The following ZC3H13 variants were observed in gnomAD, a reference collection of about 807,000 sequenced individuals.
The protein encoded by ZC3H13 is zinc finger CCCH domain-containing protein 13.
ZC3H13 carries 64 observed loss-of-function variants against 204.1 expected under a neutral mutation model. That is an observed-to-expected ratio of 0.31 (90% CI 0.26 to 0.39). ZC3H13 has a LOEUF of 0.39. ZC3H13 is among the 10% of genes least tolerant of loss of function. ZC3H13 has a pLI of 1.00. For synonymous variants in ZC3H13, 667 were observed against 693.7 expected (o/e 0.96, Z 0.60); for missense variants, 1,833 against 2,082.7 (o/e 0.88, Z 2.33).
rs1163975626 is a variant in ZC3H13 at position 46,052,697 on chromosome 13, C to G, written c.-303G>C. 3 of 398,516 alleles carry G rather than the reference C, an allele frequency of 7.5e-6. No homozygotes were observed. The highest frequency in any genetic ancestry group is 1.3e-5 in the Non-Finnish European group (3 of 226,158). The allele number at this position is 398,516 out of a possible 1,614,324, so 24.7% of individuals were successfully genotyped here. ...TTAAGAAAAGGCAACAAAAACACTA[C>G]CAGGCCGCTAGGAGGACCGCCTCAA... On this transcript the variant is annotated 5_prime_UTR_variant, in exon 1 of 19. Transcript: ENST00000679008.
intron 3 of ZC3H13, 144 bp from the exon 4 acceptor site, chr13:46,042,419 T>C (rs2043650355): frequency 3.8e-6 from 2 of 526,976 alleles, no homozygotes; most frequent in Admixed American, 3.6e-5. Context: ...TGACCTTGAC[T>C]CCTGAATTTC....
At chr13:46,023,515 A>G (rs2042347805) in intron 4 of ZC3H13, among the ~76,000 whole-genome samples, 1 of 152,150 alleles carries the variant, frequency 6.6e-6, no homozygotes, top group African/African-American at 2.4e-5. Flanking sequence ...CTTCAATGAA[A>G]CATGATACCC....
intron 8 of ZC3H13, among the ~76,000 whole-genome samples, chr13:45,992,956 A>T (rs2040069538): frequency 6.6e-6 from 1 of 152,150 alleles, no homozygotes; most frequent in Admixed American, 6.5e-5. Context: ...TTGCAGCCAG[A>T]TCACAGGGCT....
chr13:46,003,075 T>TA, intron 8 of ZC3H13, 64 bp downstream of exon 8: 6 of 1,552,046 alleles, frequency 3.9e-6, no homozygotes, highest in Non-Finnish European at 5.2e-6. Flanking sequence ...CAACGGCTTC[T>TA]GAAAAGTAAA....
chr13:45,975,387 C>T lies in ZC3H13; in HGVS notation c.2364G>A (p.Arg788=). ...RERDKERERQ[R]DWEDKDKGRD... is the part of the protein sequence containing the mutation. ...GTCCTTTGTCTTTGTCTTCCCAATCCCTTTGGCGTTCTCGTTCTTTATCCC... is the reference window on the plus strand; with the variant it reads ...GTCCTTTGTCTTTGTCTTCCCAATCTCTTTGGCGTTCTCGTTCTTTATCCC... Residue 788 remains arginine (R), a synonymous_variant, in exon 12 of 19, where the codon AGG becomes AGA. Transcript: ENST00000679008. The T allele has an allele frequency of 6.2e-7, 1 of 1,613,932 alleles. No individual in the cohort carries two copies. The highest frequency in any genetic ancestry group is 8.5e-7 in the Non-Finnish European group (1 of 1,179,960).
intron 4 of ZC3H13, 113 bp from the exon 5 acceptor site, chr13:46,020,670 A>G (rs1031846745): frequency 1.4e-6 from 1 of 720,174 alleles, no homozygotes; most frequent in South Asian, 2.1e-5. Flanking sequence ...TCAAAGAATC[A>G]GTTTTGTAAA....
At chr13:46,030,122 A>G (rs912276731) in intron 4 of ZC3H13, among the ~76,000 whole-genome samples, 1 of 152,214 alleles carries the variant, frequency 6.6e-6, no homozygotes, top group African/African-American at 2.4e-5. Flanking sequence ...ACTAACAAAG[A>G]AAACTCACAT....
intron 5 of ZC3H13, among the ~76,000 whole-genome samples, chr13:46,014,870 G>A (rs2041816056): frequency 6.6e-6 from 1 of 152,066 alleles, no homozygotes; most frequent in African/African-American, 2.4e-5. Context: ...CCAAGTCATA[G>A]AGTTCAACTA....
intron 1 of ZC3H13, among the ~76,000 whole-genome samples, chr13:46,047,584 T>C (rs1419225152): frequency 7.0e-6 from 1 of 142,746 alleles, no homozygotes; most frequent in Non-Finnish European, 1.5e-5. Context: ...CCTATGTCTA[T>C]TTGATTTACT....
At chr13:46,024,234 T>G (rs1173614530) in intron 4 of ZC3H13, among the ~76,000 whole-genome samples, 1 of 149,190 alleles carries the variant, frequency 6.7e-6, no homozygotes, top group African/African-American at 2.5e-5. Flanking sequence ...AACTTCAGGC[T>G]ATAACAAGAC....
chr13:46,030,977 C>G (rs1195123262), intron 4 of ZC3H13, among the ~76,000 whole-genome samples: 1 of 152,064 alleles, frequency 6.6e-6, no homozygotes, highest in African/African-American at 2.4e-5. Context: ...ATAGCCAACA[C>G]AATACTGAAG....
chr13:46,018,098 C>G (rs1163941328), intron 5 of ZC3H13, among the ~76,000 whole-genome samples: 2 of 152,030 alleles, frequency 1.3e-5, no homozygotes, highest in African/African-American at 2.4e-5. Flanking sequence ...AGGGCTTGAA[C>G]AGGAAGATAC....
At chr13:46,029,707 C>T (rs61953337) in intron 4 of ZC3H13, among the ~76,000 whole-genome samples, 37,837 of 151,648 alleles carry the variant, frequency 0.25, 5,113 homozygotes, top group South Asian at 0.32. Context: ...GGATTACAGG[C>T]GTGAGCCACC....
At chr13:46,001,634 T>G (rs1163771575) in intron 8 of ZC3H13, among the ~76,000 whole-genome samples, 2 of 152,154 alleles carry the variant, frequency 1.3e-5, no homozygotes, top group Non-Finnish European at 2.9e-5. Context: ...ACAAATGTTT[T>G]TACCATTTAA....
chr13:46,022,308 T>C (rs2042265502), intron 4 of ZC3H13, among the ~76,000 whole-genome samples: 1 of 151,940 alleles, frequency 6.6e-6, no homozygotes, highest in Non-Finnish European at 1.5e-5. Flanking sequence ...TTACCTCAAA[T>C]CATAATATAG....
intron 15 of ZC3H13, among the ~76,000 whole-genome samples, chr13:45,966,453 A>G (rs1371342678): frequency 1.3e-5 from 2 of 152,154 alleles, no homozygotes; most frequent in Non-Finnish European, 2.9e-5. Context: ...AGGATTTTCA[A>G]CTTTTCAAGT....
chr13:45,970,987 G>A (rs1952535942), intron 12 of ZC3H13, among the ~76,000 whole-genome samples: 1 of 152,206 alleles, frequency 6.6e-6, no homozygotes, highest in East Asian at 1.9e-4. Context: ...TGGTGGGTGG[G>A]GCTGAATGGG....
At chr13:46,042,776 G>C (rs575558813) in intron 3 of ZC3H13, among the ~76,000 whole-genome samples, 5 of 151,942 alleles carry the variant, frequency 3.3e-5, no homozygotes, top group Admixed American at 2.6e-4. Context: ...CATGCCTGTG[G>C]TTGGATGCAA....
chr13:45,975,999 C>T (rs1041630828), intron 11 of ZC3H13, among the ~76,000 whole-genome samples, 161 bp from the exon 12 acceptor site: 34 of 152,096 alleles, frequency 2.2e-4, no homozygotes, highest in African/African-American at 8.2e-4. Flanking sequence ...AAGTAACAAT[C>T]GCCCCTAGAC....
Sources: gnomAD v4.1 joint callset for allele counts (sites outside exome capture counted in the v4.1 genomes callset) on GRCh38, gnomAD v4.1.1 for gene constraint, MANE v1.5 for transcripts, NCBI Gene and HGNC (gene_info 2026-07-23, HGNC 2026-07-21) for gene names.